Variants in ELL observed in about 807,000 individuals in gnomAD.
ELL encodes RNA polymerase II elongation factor ELL.
ELL carries 18 observed loss-of-function variants against 64.0 expected under a neutral mutation model. That is an observed-to-expected ratio of 0.28 (90% CI 0.19 to 0.42). ELL has a LOEUF of 0.42. Among genes scored for constraint, ELL ranks in the 10% least tolerant of loss-of-function variants. The pLI is 1.00. For synonymous variants in ELL, 399 were observed against 376.2 expected (o/e 1.06, Z -0.70); for missense variants, 797 against 870.4 (o/e 0.92, Z 1.06).
In ELL at chr19:18,443,766, G is replaced by A. The variant is rs986185874; in HGVS notation, c.*986C>T. On this transcript the variant is annotated 3_prime_UTR_variant, in exon 12 of 12. Transcript: ENST00000262809. Reference sequence around the variant, plus strand: ...CCTGGGGCCTCCCTGACCCCATGGCGCCCAGCCCTCCATCAGCCCCTCCCT... The same window carrying A: ...CCTGGGGCCTCCCTGACCCCATGGCACCCAGCCCTCCATCAGCCCCTCCCT... The A allele has an allele frequency of 3.0e-5, 7 of 233,012 alleles. No individual in the cohort carries two copies. The highest frequency in any genetic ancestry group is 1.1e-4 in the Admixed American group (2 of 17,792). 14.4% of individuals were successfully genotyped at this position (233,012 alleles called of 1,614,324 possible). A position where few individuals can be genotyped will look rare whatever the true frequency, so the allele number is the denominator to read the frequency against.
intron 4 of ELL, among the ~76,000 whole-genome samples, chr19:18,462,436 G>A (rs1021537599): frequency 3.4e-5 from 5 of 148,586 alleles, no homozygotes; most frequent in African/African-American, 1.3e-4. Context: ...ACCCAGGCTG[G>A]AGTGTAATAC....
intron 1 of ELL, among the ~76,000 whole-genome samples, chr19:18,520,745 A>AAC (rs953651875): frequency 8.6e-5 from 12 of 139,980 alleles, no homozygotes; most frequent in African/African-American, 1.6e-4. Context: ...AGTATACACA[A>AAC]ACACACACAC....
intron 2 of ELL, among the ~76,000 whole-genome samples, chr19:18,469,923 C>CA (rs1245545949): frequency 6.6e-6 from 1 of 152,250 alleles, no homozygotes; most frequent in Non-Finnish European, 1.5e-5. Flanking sequence ...GAACACCATC[C>CA]AGGGGGCGTT....
chr19:18,482,763 T>TTTTTTGTTGTTGTTG (rs1975329807), intron 1 of ELL, among the ~76,000 whole-genome samples: 2 of 149,602 alleles, frequency 1.3e-5, no homozygotes, highest in African/African-American at 5.0e-5. Flanking sequence ...CTTTTTGGTT[T>TTTTTTGTTGTTGTTG]TTGTTGTTGT....
At chr19:18,469,438 G>T (rs1451220373) in intron 2 of ELL, among the ~76,000 whole-genome samples, 1 of 152,232 alleles carries the variant, frequency 6.6e-6, no homozygotes, top group African/African-American at 2.4e-5. Flanking sequence ...AGCTTGCCCG[G>T]GTTCTGGGAC....
chr19:18,450,232 A>C (rs1974492539), intron 8 of ELL, among the ~76,000 whole-genome samples: 1 of 152,226 alleles, frequency 6.6e-6, no homozygotes, highest in South Asian at 2.1e-4. Context: ...TCCGGCCCCC[A>C]GTGCTGGCCT....
intron 1 of ELL, among the ~76,000 whole-genome samples, chr19:18,489,259 C>T (rs1975479061): frequency 6.6e-6 from 1 of 152,164 alleles, no homozygotes; most frequent in African/African-American, 2.4e-5. Context: ...AGCGAGGGGG[C>T]GTCCTCCCAG....
chr19:18,459,535 T>G (rs1974756705), intron 5 of ELL, among the ~76,000 whole-genome samples: 1 of 145,344 alleles, frequency 6.9e-6, no homozygotes, highest in African/African-American at 2.6e-5. Context: ...TTTTTTTTTT[T>G]TTGAGATGGA....
chr19:18,474,192 G>C (rs1310249075), intron 1 of ELL, among the ~76,000 whole-genome samples: 1 of 152,260 alleles, frequency 6.6e-6, no homozygotes, highest in African/African-American at 2.4e-5. Flanking sequence ...GACAGGAGCT[G>C]CTAGGAGCAG....
Position 18,446,429 on chromosome 19 carries a change from G to A in ELL, c.1584C>T (p.Asp528=), listed in dbSNP as rs770143761. ...GGTACTCGCTGTACTCGGCATTGAA[G>A]TCGTTCTTGTAGCTCTGGCGCTGCT... ...SSEQRQSYKN[D]FNAEYSEYRD... The change falls in exon 10 of 12, where the codon GAC becomes GAT. Residue 528 remains aspartate (D), a synonymous_variant. Coordinates refer to ENST00000262809, the MANE Select transcript of ELL (RefSeq NM_006532.4). The A allele has an allele frequency of 1.9e-6, 3 of 1,613,000 alleles. No homozygotes were observed. In the South Asian group the frequency reaches 3.3e-5, roughly 18 times the overall value.
intron 4 of ELL, among the ~76,000 whole-genome samples, chr19:18,464,478 G>A (rs554091602): frequency 7.5e-5 from 9 of 120,488 alleles, no homozygotes; most frequent in African/African-American, 3.1e-4. Flanking sequence ...GACAACCCGG[G>A]CTCCCTGGCC....
chr19:18,464,096 C>T (rs544741406), intron 4 of ELL, among the ~76,000 whole-genome samples: 17 of 152,112 alleles, frequency 1.1e-4, no homozygotes, highest in African/African-American at 2.7e-4. Context: ...GGGCCAGGTG[C>T]GCTGACTCAT....
chr19:18,496,230 T>C (rs1393670516), intron 1 of ELL, among the ~76,000 whole-genome samples: 1 of 152,216 alleles, frequency 6.6e-6, no homozygotes, highest in African/African-American at 2.4e-5. Flanking sequence ...GTGACGGCCA[T>C]GCCTGAGTGT....
Position 18,444,888 on chromosome 19 carries a change from T to C in ELL, c.1750-20A>G, listed in dbSNP as rs1229292814. The C allele has an allele frequency of 1.4e-5, 22 of 1,603,612 alleles. No individual in the cohort carries two copies. In the South Asian group the frequency reaches 1.8e-4, roughly 13 times the overall value. On this transcript the variant is annotated intron_variant, in intron 11 of 11. Coordinates refer to ENST00000262809, the MANE Select transcript of ELL (RefSeq NM_006532.4). ...GTTGGTCTGTGGGACAGCACAGTCA[T>C]GCTCAGGACAGAGCCGCCCTGGGTG...
chr19:18,470,134 T>C (rs1276174331), intron 2 of ELL, among the ~76,000 whole-genome samples: 1 of 152,238 alleles, frequency 6.6e-6, no homozygotes, highest in Non-Finnish European at 1.5e-5. Flanking sequence ...CTGGCCAACA[T>C]GGCAAAACCC....
chr19:18,521,919 A>G lies in ELL; in HGVS notation c.135+2T>C. The G allele has an allele frequency of 6.3e-7, 1 of 1,588,936 alleles. No individual in the cohort carries two copies. The highest frequency in any genetic ancestry group is 8.6e-7 in the Non-Finnish European group (1 of 1,168,070). ...TGGCGCGCCGGGCGCCATGCCACTC[A>G]CCTGTCTGGCGCGGTAGCTCTCGAA... On this transcript the variant is annotated splice_donor_variant, in intron 1 of 11. Transcript: ENST00000262809. LOFTEE classifies it high-confidence loss of function.
At chr19:18,473,150 G>GGC in intron 1 of ELL, 1 of 674,678 alleles carries the variant, frequency 1.5e-6, no homozygotes, top group Non-Finnish European at 2.7e-6. Flanking sequence ...GCAACAGGCT[G>GGC]GCGGAAGGCC....
intron 1 of ELL, among the ~76,000 whole-genome samples, chr19:18,509,316 C>T (rs529248842): frequency 5.1e-4 from 78 of 152,084 alleles, no homozygotes; most frequent in South Asian, 2.1e-3. Flanking sequence ...CATTGTACCC[C>T]GAAAAGTCAC....
Position 18,443,306 on chromosome 19 carries a change from C to G in ELL, c.*1446G>C. 8.6e-6 allele frequency: 2 copies of G among 233,302 alleles called. No individual in the cohort carries two copies. The highest frequency in any genetic ancestry group is 8.5e-6 in the Non-Finnish European group (1 of 117,860). 14.5% of individuals were successfully genotyped at this position (233,302 alleles called of 1,614,324 possible). A position where few individuals can be genotyped will look rare whatever the true frequency, so the allele number is the denominator to read the frequency against. ...GTCCCAAAGGAGAGAGACTCTCGGGCAGGGGTGGGATACACTGTGGGCCCT... is the reference window on the plus strand; with the variant it reads ...GTCCCAAAGGAGAGAGACTCTCGGGGAGGGGTGGGATACACTGTGGGCCCT... On this transcript the variant is annotated 3_prime_UTR_variant, in exon 12 of 12. Transcript: ENST00000262809.
Sources: gnomAD v4.1 joint callset for allele counts (sites outside exome capture counted in the v4.1 genomes callset) on GRCh38, gnomAD v4.1.1 for gene constraint, MANE v1.5 for transcripts, NCBI Gene and HGNC (gene_info 2026-07-23, HGNC 2026-07-21) for gene names.